The following CAPN10 variants were observed in gnomAD, a reference collection of about 807,000 sequenced individuals.
CAPN10 encodes calpain-10.
CAPN10 carries 71 observed loss-of-function variants against 78.4 expected under a neutral mutation model. That is an observed-to-expected ratio of 0.91 (90% CI 0.75 to 1.10). The LOEUF is 1.10. Among genes scored for constraint, CAPN10 ranks in the 50% least tolerant of loss-of-function variants. The probability of loss-of-function intolerance (pLI) is 0.00; values close to 1 mark genes in which losing one functional copy is unlikely to be tolerated. For synonymous variants in CAPN10, 437 were observed against 407.2 expected (o/e 1.07, Z -0.88); for missense variants, 849 against 924.6 (o/e 0.92, Z 1.06).
In CAPN10 at chr2:240,594,691, C is replaced by A; in HGVS notation, c.979C>A (p.Leu327Met). Residue 327 changes from leucine to methionine, a missense_variant, in exon 6 of 12, where the codon CTG (leucine) becomes ATG (methionine). Coordinates refer to ENST00000391984, the MANE Select transcript of CAPN10 (RefSeq NM_023083.4). The stretch of plus-strand genomic sequence containing the variant: ...CTACCCGGTCACGGAGGCCGGCCAC[C>A]TGCAGAGCCTCTACACAGGTAGTGC... ...VGYPVTEAGH[L>M]QSLYTERLLC... 4 of 1,612,908 alleles carry A rather than the reference C, an allele frequency of 2.5e-6. No individual in the cohort carries two copies. The highest frequency in any genetic ancestry group is 3.4e-6 in the Non-Finnish European group (4 of 1,179,716).
rs201282500 is a variant in CAPN10, at chr2:240,589,331, T to G, written c.142-12T>G. On this transcript the variant is annotated splice_polypyrimidine_tract_variant and intron_variant, in intron 1 of 11. Transcript: ENST00000391984. Reference sequence around the variant, plus strand: ...GGCATGATCTAACTCTGGACAACTTTCTGTATCTCAGGAGATTTGTGCCAC... The same window carrying G: ...GGCATGATCTAACTCTGGACAACTTGCTGTATCTCAGGAGATTTGTGCCAC... 1,046 of 1,614,146 alleles carry G rather than the reference T, an allele frequency of 6.5e-4. No individual in the cohort carries two copies. Among genetic ancestry groups the G allele is most frequent in the Admixed American group, 9.8e-4 (59 of 60,030 alleles).
In CAPN10 at chr2:240,592,124, G is replaced by C. The variant is rs903404123; in HGVS notation, c.662G>C (p.Ser221Thr). The C allele has an allele frequency of 6.4e-7, 1 of 1,573,268 alleles. No homozygotes were observed. The highest frequency in any genetic ancestry group is 8.6e-7 in the Non-Finnish European group (1 of 1,159,980). The stretch of plus-strand genomic sequence containing the variant: ...CACCTGAAGGACCAGTGTCTGATCA[G>C]CTGCTGCGTGCTCAGCCCCAGAGCA... ...LLHLKDQCLI[S>T]CCVLSPRAGA... Residue 221 changes from serine to threonine, a missense_variant, in exon 4 of 12, where the codon AGC (serine) becomes ACC (threonine). By Grantham distance (58) the Ser-to-Thr change is moderately conservative (BLOSUM62 1). Coordinates refer to ENST00000391984, the MANE Select transcript of CAPN10 (RefSeq NM_023083.4).
At chr2:240,592,602 A>T (rs964902256) in intron 4 of CAPN10, 6 of 427,994 alleles carry the variant, frequency 1.4e-5, no homozygotes, top group South Asian at 1.0e-4. Context: ...GGAGCCCAGG[A>T]GTTCAAGAGA....
At chr2:240,588,588 C>G (rs778810195) in intron 1 of CAPN10, among the ~76,000 whole-genome samples, 1 of 152,044 alleles carries the variant, frequency 6.6e-6, no homozygotes, top group Non-Finnish European at 1.5e-5. Flanking sequence ...AAGAGAAGCC[C>G]AGTGGGTTTG....
Position 240,596,473 on chromosome 2 carries a change from CAGGGGAGTTCCTGCTCCG to C in CAPN10, c.1436_1453del (p.Gly479_Arg484del). The C allele has an allele frequency of 6.2e-7, 1 of 1,612,832 alleles. No homozygotes were observed. The highest frequency in any genetic ancestry group is 8.5e-7 in the Non-Finnish European group (1 of 1,179,232). ...CCCAGCACCTTCCTGAAGGACGCGC[CAGGGGAGTTCCTGCTCCG>C]AGTCTTCTCTACCGGGCGAGTCTCC... On this transcript the variant is annotated inframe_deletion, in exon 8 of 12. Transcript: ENST00000391984.
rs1268518459 is a variant in CAPN10, at chr2:240,593,997, G to A, written c.780G>A (p.Arg260=). ...GQAGQCILLL[R]IQNPWGRRCW... is the part of the protein sequence containing the mutation. ...CGGGCCAGTGCATCCTGCTGCTGCG[G>A]ATCCAGAACCCCTGGGGCCGGCGGT... Residue 260 remains arginine, a synonymous_variant, in exon 5 of 12, where the codon CGG becomes CGA. Transcript: ENST00000391984. 3 of 1,611,456 alleles carry A rather than the reference G, an allele frequency of 1.9e-6. No individual in the cohort carries two copies. The highest frequency in any genetic ancestry group is 2.2e-5 in the East Asian group (1 of 44,824).
In CAPN10 at chr2:240,594,965, T is replaced by G. The variant is rs2093127207; in HGVS notation, c.998-59T>G. ...CCTGCCAGGGTTCATGAGGCCACCA[T>G]GGCGGGAGGCCAGCGAGGAGCCGTG... On this transcript the variant is annotated intron_variant, in intron 6 of 11. Transcript: ENST00000391984. 1.9e-6 allele frequency: 3 copies of G among 1,577,508 alleles called. No individual in the cohort carries two copies. In the Admixed American group the frequency reaches 5.1e-5, roughly 27 times the overall value.
intron 3 of CAPN10, 76 bp downstream of exon 3, chr2:240,591,087 G>T (rs541450525): frequency 7.2e-7 from 1 of 1,398,146 alleles, no homozygotes; most frequent in East Asian, 2.4e-5. Flanking sequence ...CCCCAGGAGG[G>T]TCTCTGCTCA....
rs887673784 is a variant in CAPN10, at chr2:240,596,041, GC to G, written c.1279-273del. On this transcript the variant is annotated intron_variant, in intron 7 of 11. Transcript: ENST00000391984. ...TTGCTGGAAGGCCCACTGTCCAGCA[GC>G]CCCCAGGTTGCCTGGGCCACGGTGC... The G allele has an allele frequency of 3.3e-5, 50 of 1,506,842 alleles. No individual in the cohort carries two copies. In the African/African-American group the frequency reaches 6.2e-4, roughly 19 times the overall value. The allele number at this position is 1,506,842 out of a possible 1,614,324, so 93.3% of individuals were successfully genotyped here. A position where few individuals can be genotyped will look rare whatever the true frequency, so the allele number is the denominator to read the frequency against.
chr2:240,594,923 G>A (rs769355435), intron 6 of CAPN10, 101 bp from the exon 7 acceptor site: 60 of 1,324,094 alleles, frequency 4.5e-5, no homozygotes, highest in African/African-American at 4.3e-4. Context: ...GTCTGTGGCC[G>A]TAGCTGCTGC....
At position 240,591,955 on chromosome 2, in the gene CAPN10, C is replaced by T. The variant is rs1232278139; in HGVS notation, c.493C>T (p.Leu165=). The T allele has an allele frequency of 6.2e-7, 1 of 1,613,436 alleles. No homozygotes were observed. The highest frequency in any genetic ancestry group is 1.1e-5 in the South Asian group (1 of 90,948). The part of the protein sequence containing the change: ...YAKVHGSYEH[L]WAGQVADALV... ...TAGGGTCCATGGGTCCTACGAGCAC[C>T]TGTGGGCCGGGCAGGTGGCGGATGC... is the stretch of plus-strand genomic sequence containing the variant. Residue 165 remains leucine (L), a synonymous_variant, in exon 4 of 12, where the codon CTG becomes TTG. Transcript: ENST00000391984.
intron 1 of CAPN10, among the ~76,000 whole-genome samples, chr2:240,588,364 G>A (rs2093081315): frequency 1.3e-5 from 2 of 152,164 alleles, no homozygotes; most frequent in South Asian, 4.1e-4. Context: ...AAGAAGAAGG[G>A]GGCCTTGGGG....
At chr2:240,592,241 T>C in intron 4 of CAPN10, 91 bp downstream of exon 4, 1 of 1,099,178 alleles carries the variant, frequency 9.1e-7, no homozygotes, top group Non-Finnish European at 1.3e-6. Context: ...TGTGACTGGC[T>C]ACACAGCCCT....
In CAPN10 at chr2:240,592,028, G is replaced by A. The variant is rs755580920; in HGVS notation, c.566G>A (p.Gly189Asp). 5 of 1,613,142 alleles carry A rather than the reference G, an allele frequency of 3.1e-6. No individual in the cohort carries two copies. The South Asian group carries it at 5.5e-5, about 18-fold the overall frequency. ...CTGGCAGAAAGATGGAACCTGAAGG[G>A]CGTAGCAGGAAGCGGAGGCCAGCAG... Reference protein sequence around the residue: ...GGLAERWNLKGVAGSGGQQDR... With the variant: ...GGLAERWNLKDVAGSGGQQDR... Residue 189 changes from glycine (G) to aspartate (D), a missense_variant, in exon 4 of 12, where the codon GGC (glycine) becomes GAC (aspartate). Transcript: ENST00000391984.
At position 240,598,071 on chromosome 2, in the gene CAPN10, G is replaced by T. The variant is rs368061198; in HGVS notation, c.1927G>T (p.Ala643Ser). 6.2e-7 allele frequency: 1 copy of T among 1,608,926 alleles called. No homozygotes were observed. The highest frequency in any genetic ancestry group is 1.3e-5 in the African/African-American group (1 of 74,854). Residue 643 changes from alanine to serine, a missense_variant, in exon 10 of 12, where the codon GCA (alanine) becomes TCA (serine). Coordinates refer to ENST00000391984, the MANE Select transcript of CAPN10 (RefSeq NM_023083.4). ...DTEGAFTVTI[A>S]TRIDRPSIHS... ...AGAGGGGGCCTTCACAGTGACCATC[G>T]CAACCAGGATTGACAGGTGGGGCTC...
chr2:240,591,717 A>G (rs1165815335), intron 3 of CAPN10: 5 of 584,778 alleles, frequency 8.6e-6, no homozygotes, highest in African/African-American at 7.4e-5. Context: ...GTGTGTGGGC[A>G]GAGGACTGCA....
At position 240,598,793 on chromosome 2, in the gene CAPN10, G is replaced by T; in HGVS notation, c.*113G>T. 9.5e-7 allele frequency: 1 copy of T among 1,053,828 alleles called. No homozygotes were observed. The highest frequency in any genetic ancestry group is 1.4e-5 in the South Asian group (1 of 72,692). 65.3% of individuals were successfully genotyped at this position (1,053,828 alleles called of 1,614,324 possible). On this transcript the variant is annotated 3_prime_UTR_variant, in exon 12 of 12. Transcript: ENST00000391984. ...GGGGGCTGGTCCTGAGTCTTGGCCT[G>T]CCTCCCAGCCCTGCCAGGAGGCTGC... is the stretch of plus-strand genomic sequence containing the variant.
Position 240,596,510 on chromosome 2 carries a change from A to C in CAPN10, c.1470A>C (p.Arg490=). The C allele has an allele frequency of 6.2e-7, 1 of 1,607,670 alleles. No individual in the cohort carries two copies. Among genetic ancestry groups the C allele is most frequent in the Admixed American group, 1.7e-5 (1 of 59,772 alleles). The change falls in exon 8 of 12, where the codon CGA becomes CGC. Residue 490 remains arginine, a synonymous_variant. Coordinates refer to ENST00000391984, the MANE Select transcript of CAPN10 (RefSeq NM_023083.4). ...TGCTCCGAGTCTTCTCTACCGGGCG[A>C]GTCTCCCTTAGGTGAGAGGAACCGC... ...EFLLRVFSTG[R]VSLSAIRAVA... is the part of the protein sequence containing the mutation.
rs374071753 is a variant in CAPN10 at position 240,596,951 on chromosome 2, C to G, written c.1743+9C>G. ...GCTTCCATATCTTCCAGGCAAGCTC[C>G]TTGCCCCAGGGAGGGAGGGGGAGCA... On this transcript the variant is annotated intron_variant, in intron 9 of 11. Transcript: ENST00000391984. 6.2e-7 allele frequency: 1 copy of G among 1,613,448 alleles called. No homozygotes were observed. Among genetic ancestry groups the G allele is most frequent in the South Asian group, 1.1e-5 (1 of 91,090 alleles).
Sources: allele counts gnomAD v4.1 joint callset (sites outside exome capture counted in the v4.1 genomes callset), GRCh38; gene constraint gnomAD v4.1.1; transcripts MANE v1.5; gene names NCBI Gene and HGNC (gene_info 2026-07-23, HGNC 2026-07-21).